Variants in ELMO1 observed in about 807,000 individuals in gnomAD.
ELMO1 encodes the protein engulfment and cell motility 1.
In ELMO1, 26 loss-of-function variants were observed where a neutral mutation model predicts 98.9. The ratio of observed to expected loss-of-function variants is 0.26; its 90% CI spans 0.19 to 0.36. The LOEUF is 0.36. Ranked by LOEUF, ELMO1 falls within the 10% of genes least tolerant of loss-of-function variation. The pLI, the probability that ELMO1 is intolerant of heterozygous loss-of-function variation, is 1.00. For synonymous variants in ELMO1, 346 were observed against 346.0 expected, an observed-to-expected ratio of 1.00 and a Z score of 0.00; for missense variants, 627 against 935.2, an observed-to-expected ratio of 0.67 and a Z score of 4.30.
chr7:37,443,766 C>A (rs1300138354), intron 1 of ELMO1, among the ~76,000 whole-genome samples: 1 of 152,212 alleles, frequency 6.6e-6, no homozygotes, highest in Non-Finnish European at 1.5e-5. Flanking sequence ...ATTGTACATG[C>A]AGGCTGGCTT....
chr7:36,899,719 G>T (rs1806348534), intron 16 of ELMO1, among the ~76,000 whole-genome samples: 1 of 51,956 alleles, frequency 1.9e-5, no homozygotes, highest in Admixed American at 2.9e-4. Context: ...TAAACTAGGA[G>T]TACTAATCAT....
chr7:37,150,952 G>C lies in ELMO1; in HGVS notation c.1087-17718C>G, dbSNP rs189760085. Among the ~76,000 whole-genome samples, 514 of 152,338 alleles carry C rather than the reference G, an allele frequency of 3.4e-3. 1 individual carries two copies. The highest frequency in any genetic ancestry group is 0.012 in the African/African-American group (490 of 41,580). The stretch of plus-strand genomic sequence containing the variant: ...GCTTCTCATCCTCGACCCTGCTCAA[G>C]TACTCGCTGAAGCGCCTCCCTGCAG... On this transcript the variant is annotated intron_variant, in intron 13 of 21. Transcript: ENST00000310758.
At chr7:37,222,788 TCC>T in intron 9 of ELMO1, 95 bp from the exon 10 acceptor site, 2 of 1,087,806 alleles carry the variant, frequency 1.8e-6, no homozygotes, top group Non-Finnish European at 2.7e-6. Context: ...ATCAGCCCCC[TCC>T]CCCCAAAAAA....
intron 8 of ELMO1, among the ~76,000 whole-genome samples, chr7:37,227,530 C>T (rs1036463114): frequency 2.0e-5 from 3 of 152,148 alleles, no homozygotes; most frequent in Admixed American, 2.0e-4. Flanking sequence ...GGATTACAGG[C>T]ATGCACCACC....
chr7:36,921,202 G>T (rs187494275), intron 16 of ELMO1, among the ~76,000 whole-genome samples: 1 of 152,128 alleles, frequency 6.6e-6, no homozygotes, highest in Non-Finnish European at 1.5e-5. Flanking sequence ...AAATTACCCC[G>T]TCTAAGGTAC....
intron 13 of ELMO1, among the ~76,000 whole-genome samples, chr7:37,162,435 C>A (rs4723615): frequency 2.0e-5 from 3 of 152,212 alleles, no homozygotes; most frequent in Non-Finnish European, 4.4e-5. Flanking sequence ...TAATCACATC[C>A]GAGTCACTTG....
At chr7:37,187,953 G>C (rs1196405106) in intron 13 of ELMO1, among the ~76,000 whole-genome samples, 3 of 152,018 alleles carry the variant, frequency 2.0e-5, no homozygotes, top group African/African-American at 7.2e-5. Context: ...ACTCCAGTTA[G>C]TCAATGCCAG....
chr7:37,379,750 G>T (rs112405029), intron 1 of ELMO1, among the ~76,000 whole-genome samples: 2 of 152,098 alleles, frequency 1.3e-5, no homozygotes, highest in Non-Finnish European at 1.5e-5. Flanking sequence ...AACAATAGGA[G>T]ATATCAGACT....
chr7:37,444,050 G>A (rs956062146), intron 1 of ELMO1, among the ~76,000 whole-genome samples: 1 of 152,120 alleles, frequency 6.6e-6, no homozygotes, highest in Non-Finnish European at 1.5e-5. Flanking sequence ...GACTACAGGT[G>A]CATGCCATCA....
At chr7:37,310,494 T>C (rs1348297792) in intron 4 of ELMO1, among the ~76,000 whole-genome samples, 2 of 152,218 alleles carry the variant, frequency 1.3e-5, no homozygotes, top group Non-Finnish European at 2.9e-5. Context: ...CAAAGGCAAA[T>C]ATAAATGCAC....
Position 36,854,086 on chromosome 7 carries a change from A to G in ELMO1, c.*1465T>C, listed in dbSNP as rs6462720. The stretch of plus-strand genomic sequence containing the variant: ...CAAGAGACAGCAATGTAAAAGGAAT[A>G]GATATTTTCATACAGTGGGTCTGAT... On this transcript the variant is annotated 3_prime_UTR_variant, in exon 22 of 22. Transcript: ENST00000310758. Among the ~76,000 whole-genome samples the G allele has an allele frequency of 6.6e-6, 1 of 151,996 alleles. No homozygotes were observed. Among genetic ancestry groups the G allele is most frequent in the Non-Finnish European group, 1.5e-5 (1 of 68,008 alleles).
intron 20 of ELMO1, among the ~76,000 whole-genome samples, chr7:36,869,582 C>G (rs561379114): frequency 1.3e-5 from 2 of 152,134 alleles, no homozygotes; most frequent in Non-Finnish European, 2.9e-5. Flanking sequence ...TCTGGGTGCT[C>G]CAGATAATCT....
chr7:37,386,379 G>T (rs1802801815), intron 1 of ELMO1, among the ~76,000 whole-genome samples: 1 of 151,826 alleles, frequency 6.6e-6, no homozygotes, highest in South Asian at 2.1e-4. Flanking sequence ...AGGGGCTGGA[G>T]GGGGGAGCCC....
At chr7:37,093,789 G>A (rs879024881) in intron 15 of ELMO1, among the ~76,000 whole-genome samples, 1 of 152,196 alleles carries the variant, frequency 6.6e-6, no homozygotes, top group Non-Finnish European at 1.5e-5. Flanking sequence ...ATCTGGGCAT[G>A]TAGGCTTCAG....
intron 14 of ELMO1, chr7:37,116,714 C>T (rs1227313187): frequency 1.3e-5 from 2 of 150,166 alleles, no homozygotes; most frequent in East Asian, 3.9e-4. Context: ...CCACCACCAA[C>T]AAAAAACCTT....
At chr7:37,109,741 G>T (rs1438837937) in intron 14 of ELMO1, among the ~76,000 whole-genome samples, 1 of 152,108 alleles carries the variant, frequency 6.6e-6, no homozygotes, top group African/African-American at 2.4e-5. Flanking sequence ...ATTCCAGCTG[G>T]AAACATTGCC....
At chr7:37,318,783 C>T (rs569792497) in intron 2 of ELMO1, among the ~76,000 whole-genome samples, 1 of 152,306 alleles carries the variant, frequency 6.6e-6, no homozygotes, top group Non-Finnish European at 1.5e-5. Context: ...CCCAATCAAA[C>T]ATTAGCCCTC....
At chr7:36,955,291 T>G (rs1788351460) in intron 16 of ELMO1, among the ~76,000 whole-genome samples, 1 of 152,242 alleles carries the variant, frequency 6.6e-6, no homozygotes, top group South Asian at 2.1e-4. Flanking sequence ...TACAGCTGCT[T>G]CTTTTTCTAC....
At chr7:37,294,656 T>TA (rs531843465) in intron 4 of ELMO1, among the ~76,000 whole-genome samples, 2 of 152,252 alleles carry the variant, frequency 1.3e-5, no homozygotes, top group East Asian at 1.9e-4. Flanking sequence ...GATTATTGGT[T>TA]AAAAAAATGG....
Sources: allele counts gnomAD v4.1 joint callset (sites outside exome capture counted in the v4.1 genomes callset), GRCh38; gene constraint gnomAD v4.1.1; transcripts MANE v1.5; gene names NCBI Gene and HGNC (gene_info 2026-07-23, HGNC 2026-07-21).